FAM227B: variants seen among roughly 807,000 people sequenced by gnomAD.
FAM227B encodes the protein protein FAM227B.
In FAM227B, 88 loss-of-function variants were observed where a neutral mutation model predicts 73.8. The ratio of observed to expected loss-of-function variants is 1.19; its 90% CI spans 1.00 to 1.42. FAM227B has a LOEUF of 1.42. FAM227B is among the 40% of genes most tolerant of loss of function. The pLI is 0.00. For synonymous variants in FAM227B, 210 were observed against 190.5 expected (o/e 1.10, Z -0.84); for missense variants, 632 against 590.9 (o/e 1.07, Z -0.72).
At position 49,396,099 on chromosome 15, in the gene FAM227B, T is replaced by C. The variant is rs752425989; in HGVS notation, c.1013-24700A>G. 243 of 420,652 alleles carry C rather than the reference T, an allele frequency of 5.8e-4. 1 individual carries two copies. The highest frequency in any genetic ancestry group is 1.0e-3 in the Non-Finnish European group (215 of 211,904). The allele number at this position is 420,652 out of a possible 1,614,324, so 26.1% of individuals were successfully genotyped here. On this transcript the variant is annotated intron_variant, in intron 11 of 15. Coordinates refer to ENST00000299338, the MANE Select transcript of FAM227B (RefSeq NM_152647.3). ...ATCTGAGGTACCAGGTTCATCTCAC[T>C]AGGGAGTGCCAGACAGTGGGCGCAG...
At chr15:49,556,354 C>G (rs1301112571) in intron 9 of FAM227B, among the ~76,000 whole-genome samples, 3 of 152,188 alleles carry the variant, frequency 2.0e-5, no homozygotes, top group African/African-American at 4.8e-5. Flanking sequence ...CTCAGCTCAG[C>G]ACTCCTGGGC....
intron 12 of FAM227B, among the ~76,000 whole-genome samples, chr15:49,368,959 TTTTGTTTG>T (rs540708622): frequency 6.6e-6 from 1 of 151,994 alleles, no homozygotes; most frequent in Admixed American, 6.6e-5. Flanking sequence ...TTTGTTTTGT[TTTTGTTTG>T]TTTGTTTGTT....
Position 49,502,049 on chromosome 15 carries a change from C to A in FAM227B, c.1012+6162G>T, listed in dbSNP as rs181186267. Among the ~76,000 whole-genome samples, 301 of 152,350 alleles carry A rather than the reference C, an allele frequency of 2.0e-3. 1 individual carries two copies. The highest frequency in any genetic ancestry group is 6.9e-3 in the African/African-American group (288 of 41,576). On this transcript the variant is annotated intron_variant, in intron 11 of 15. Transcript: ENST00000299338. ...GAATGCAAGAGTGAAGATCATTTTGCAGCCTCTGCTTAGATTTGAGGATGT... is the reference window on the plus strand; with the variant it reads ...GAATGCAAGAGTGAAGATCATTTTGAAGCCTCTGCTTAGATTTGAGGATGT...
chr15:49,394,538 T>C (rs1052156245), intron 11 of FAM227B, among the ~76,000 whole-genome samples: 1 of 152,216 alleles, frequency 6.6e-6, no homozygotes, highest in Non-Finnish European at 1.5e-5. Flanking sequence ...ATTTGAGTTA[T>C]ATAATTATGA....
intron 13 of FAM227B, among the ~76,000 whole-genome samples, chr15:49,346,020 C>A (rs1030246096): frequency 1.3e-5 from 2 of 151,546 alleles, no homozygotes; most frequent in Non-Finnish European, 2.9e-5. Flanking sequence ...GGTCTGCCTG[C>A]CCTGCTTGCT....
chr15:49,394,113 G>T (rs955602682), intron 11 of FAM227B, among the ~76,000 whole-genome samples: 4 of 152,150 alleles, frequency 2.6e-5, no homozygotes, highest in African/African-American at 9.7e-5. Flanking sequence ...GTAACAAGGG[G>T]ATAGAGAACA....
At chr15:49,559,674 C>T (rs188657091) in intron 9 of FAM227B, among the ~76,000 whole-genome samples, 18 of 152,146 alleles carry the variant, frequency 1.2e-4, no homozygotes, top group African/African-American at 1.4e-4. Flanking sequence ...TGGTGGCTCA[C>T]GCCTGTAATC....
chr15:49,427,795 A>T (rs2050254095), intron 11 of FAM227B, among the ~76,000 whole-genome samples: 1 of 151,932 alleles, frequency 6.6e-6, no homozygotes, highest in African/African-American at 2.4e-5. Flanking sequence ...TAGATGTATA[A>T]TTCTGCTTCC....
chr15:49,523,268 A>G (rs1580997), intron 10 of FAM227B, among the ~76,000 whole-genome samples: 134,895 of 152,192 alleles, frequency 0.89, 61,153 homozygotes, highest in Non-Finnish European at 0.98. Context: ...CACATGTTGC[A>G]GGAGGGTTGC....
chr15:49,571,652 T>G (rs1200712810), intron 8 of FAM227B, among the ~76,000 whole-genome samples: 1 of 151,956 alleles, frequency 6.6e-6, no homozygotes, highest in Admixed American at 6.6e-5. Flanking sequence ...AACCAATTAG[T>G]TGTAAACGCG....
chr15:49,461,329 G>A (rs993832390), intron 11 of FAM227B, among the ~76,000 whole-genome samples: 2 of 152,136 alleles, frequency 1.3e-5, no homozygotes, highest in African/African-American at 4.8e-5. Flanking sequence ...CATGCACAAT[G>A]TTAGATACTG....
chr15:49,413,993 A>C (rs2049043774), intron 11 of FAM227B, among the ~76,000 whole-genome samples: 1 of 151,876 alleles, frequency 6.6e-6, no homozygotes, highest in Non-Finnish European at 1.5e-5. Context: ...TACCATAGTA[A>C]CCTATTTATT....
At chr15:49,545,944 A>ATTCT (rs1555532175) in intron 9 of FAM227B, among the ~76,000 whole-genome samples, 92 of 125,118 alleles carry the variant, frequency 7.4e-4, no homozygotes, top group East Asian at 6.5e-3. Flanking sequence ...AGGAGTAGCT[A>ATTCT]TTTTTTTTTT....
intron 11 of FAM227B, chr15:49,488,027 G>A (rs552196993): frequency 6.6e-6 from 1 of 152,052 alleles, no homozygotes; most frequent in African/African-American, 2.4e-5. Flanking sequence ...ACGCATAGGA[G>A]TGATAACAAA....
intron 11 of FAM227B, among the ~76,000 whole-genome samples, chr15:49,391,464 T>C (rs1179300902): frequency 1.3e-5 from 2 of 152,104 alleles, no homozygotes; most frequent in African/African-American, 4.8e-5. Context: ...GTCCCTGAGT[T>C]GTTTTTCAGA....
In FAM227B at chr15:49,585,026, C is replaced by T. The variant is rs966076935; in HGVS notation, c.405+2990G>A. Among the ~76,000 whole-genome samples, 4 of 152,092 alleles carry T rather than the reference C, an allele frequency of 2.6e-5. No homozygotes were observed. In the South Asian group the frequency reaches 6.2e-4, roughly 24 times the overall value. On this transcript the variant is annotated intron_variant, in intron 5 of 15. Coordinates refer to ENST00000299338, the MANE Select transcript of FAM227B (RefSeq NM_152647.3). ...ACAAACAACCCCATCAAAAAGTGGG[C>T]GAAGGATATGAACAGACACTTCTCT...
At chr15:49,535,610 T>C (rs1004145466) in intron 10 of FAM227B, among the ~76,000 whole-genome samples, 2 of 151,732 alleles carry the variant, frequency 1.3e-5, no homozygotes, top group Non-Finnish European at 3.0e-5. Context: ...ACAGAGATAT[T>C]ACAAGAAAAC....
chr15:49,364,113 G>A (rs953323665), intron 13 of FAM227B, among the ~76,000 whole-genome samples: 1 of 152,120 alleles, frequency 6.6e-6, no homozygotes, highest in Non-Finnish European at 1.5e-5. Context: ...TTGATATTAG[G>A]ATGATGCTGG....
rs151100126 is a variant in FAM227B at position 49,414,871 on chromosome 15, G to T, written c.1013-43472C>A. Among the ~76,000 whole-genome samples, 908 of 152,256 alleles carry T rather than the reference G, an allele frequency of 6.0e-3. 3 individuals are homozygous for T. The highest frequency in any genetic ancestry group is 9.8e-3 in the Non-Finnish European group (667 of 68,002). On this transcript the variant is annotated intron_variant, in intron 11 of 15. Transcript: ENST00000299338. ...AAAATATAAGTTGTAGCTGAGGATA[G>T]AAATAACGTTTAGCTTGAAGAGGAG...
Sources: gnomAD v4.1 joint callset for allele counts (sites outside exome capture counted in the v4.1 genomes callset) on GRCh38, gnomAD v4.1.1 for gene constraint, MANE v1.5 for transcripts, NCBI Gene and HGNC (gene_info 2026-07-23, HGNC 2026-07-21) for gene names.